Variants in TMEM108 observed in about 807,000 individuals in gnomAD.
TMEM108 encodes cancer/testis antigen 124.
A neutral mutation model predicts 35.1 loss-of-function variants in TMEM108; 12 were observed. The observed-to-expected ratio is 0.34, with a 90% CI of 0.22 to 0.55. TMEM108 has a LOEUF of 0.55. TMEM108 is among the 20% of genes least tolerant of loss of function. The pLI is 0.89. For synonymous variants in TMEM108, 287 were observed against 308.6 expected, an observed-to-expected ratio of 0.93 and a Z score of 0.73; for missense variants, 680 against 753.3, an observed-to-expected ratio of 0.90 and a Z score of 1.14.
At chr3:133,213,831 G>A (rs1945867640) in intron 2 of TMEM108, among the ~76,000 whole-genome samples, 1 of 152,078 alleles carries the variant, frequency 6.6e-6, no homozygotes, top group Non-Finnish European at 1.5e-5. Flanking sequence ...TATTCAAGTT[G>A]CATCTAGTTG....
intron 3 of TMEM108, among the ~76,000 whole-genome samples, chr3:133,374,199 G>T (rs191418254): frequency 6.6e-6 from 1 of 152,098 alleles, no homozygotes; most frequent in Non-Finnish European, 1.5e-5. Flanking sequence ...GCCTACCTAG[G>T]TTCAAAGGGA....
chr3:133,149,097 C>G (rs981430112), intron 2 of TMEM108, among the ~76,000 whole-genome samples: 3 of 152,156 alleles, frequency 2.0e-5, no homozygotes, highest in African/African-American at 7.2e-5. Flanking sequence ...GACTTCACTA[C>G]CTGATATTGC....
At chr3:133,073,510 C>CTCTCTATA in intron 2 of TMEM108, among the ~76,000 whole-genome samples, 19 of 43,898 alleles carry the variant, frequency 4.3e-4, no homozygotes, top group African/African-American at 1.2e-3. Flanking sequence ...CTCTCTCTCT[C>CTCTCTATA]TATATATATA....
chr3:133,227,714 G>T (rs1576396330), intron 2 of TMEM108, among the ~76,000 whole-genome samples: 2 of 151,422 alleles, frequency 1.3e-5, no homozygotes, highest in Admixed American at 1.3e-4. Context: ...GGCCAACATG[G>T]TGAAACCCTG....
chr3:133,262,948 C>G (rs1042586087), intron 3 of TMEM108, among the ~76,000 whole-genome samples: 1 of 152,164 alleles, frequency 6.6e-6, no homozygotes, highest in South Asian at 2.1e-4. Context: ...GAATACCTTG[C>G]TAATGGAGTG....
At chr3:133,182,499 G>C (rs1301996153) in intron 2 of TMEM108, among the ~76,000 whole-genome samples, 1 of 152,176 alleles carries the variant, frequency 6.6e-6, no homozygotes, top group African/African-American at 2.4e-5. Flanking sequence ...CTGATCATTA[G>C]GTGATAGTAT....
intron 2 of TMEM108, among the ~76,000 whole-genome samples, chr3:133,217,526 A>G (rs753644861): frequency 5.3e-5 from 8 of 151,948 alleles, no homozygotes; most frequent in Non-Finnish European, 1.2e-4. Context: ...AGATTTTCCC[A>G]TATGTCTTCT....
chr3:133,397,062 C>T lies in TMEM108; in HGVS notation c.*1076C>T, dbSNP rs1232936569. ...TCGCAGCACCAGCCGGTGGACTTGC[C>T]ATCCAGCTCTCAGCTTCCACTGCTC... is the stretch of plus-strand genomic sequence containing the variant. On this transcript the variant is annotated 3_prime_UTR_variant, in exon 6 of 6. Coordinates refer to ENST00000321871, the MANE Select transcript of TMEM108 (RefSeq NM_023943.4). The T allele has an allele frequency of 1.3e-5, 2 of 152,292 alleles. No homozygotes were observed. The highest frequency in any genetic ancestry group is 1.5e-5 in the Non-Finnish European group (1 of 68,018). The allele number at this position is 152,292 out of a possible 1,614,324, so 9.4% of individuals were successfully genotyped here.
Position 133,044,961 on chromosome 3 carries a change from C to CTT in TMEM108, c.-165-929_-165-928dup, listed in dbSNP as rs11444221. 2.0e-3 allele frequency among the ~76,000 whole-genome samples: 281 copies of CTT among 142,738 alleles called. 1 individual carries two copies. Among genetic ancestry groups the CTT allele is most frequent in the Non-Finnish European group, 2.7e-3 (180 of 65,948 alleles). 93.6% of individuals were successfully genotyped at this position (142,738 alleles called of 152,430 possible). A position where few individuals can be genotyped will look rare whatever the true frequency, so the allele number is the denominator to read the frequency against. ...CTCTTAAAAAAATTCTGAAGTGCTG[C>CTT]TTTTTTTTTTTTTCTTTTTTTTTTG... is the stretch of plus-strand genomic sequence containing the variant. On this transcript the variant is annotated intron_variant, in intron 1 of 5. Coordinates refer to ENST00000321871, the MANE Select transcript of TMEM108 (RefSeq NM_023943.4).
intron 2 of TMEM108, among the ~76,000 whole-genome samples, chr3:133,144,036 A>G (rs1944679237): frequency 6.6e-6 from 1 of 150,854 alleles, no homozygotes; most frequent in Admixed American, 6.6e-5. Flanking sequence ...GCTTTGTTAC[A>G]TAGGTATACA....
At chr3:133,298,575 ATGCTTGCATAG>A (rs1947176757) in intron 3 of TMEM108, among the ~76,000 whole-genome samples, 2 of 152,304 alleles carry the variant, frequency 1.3e-5, no homozygotes, top group African/African-American at 4.8e-5. Flanking sequence ...TGTTTATCAA[ATGCTTGCATAG>A]TGCTTCCTGT....
At chr3:133,220,801 C>A (rs1240152111) in intron 2 of TMEM108, among the ~76,000 whole-genome samples, 1 of 152,178 alleles carries the variant, frequency 6.6e-6, no homozygotes, top group East Asian at 1.9e-4. Context: ...AGATGTCAAT[C>A]AGAAGTAGTA....
intron 2 of TMEM108, among the ~76,000 whole-genome samples, chr3:133,065,687 A>G (rs57066590): frequency 1.3e-5 from 2 of 152,070 alleles, no homozygotes; most frequent in Non-Finnish European, 2.9e-5. Context: ...ATTTATGTCC[A>G]TATGGCATTC....
intron 2 of TMEM108, among the ~76,000 whole-genome samples, chr3:133,152,875 G>A (rs1425332242): frequency 6.6e-6 from 1 of 152,042 alleles, no homozygotes; most frequent in Non-Finnish European, 1.5e-5. Flanking sequence ...AAAAACAACT[G>A]ACAATATCAT....
chr3:133,145,151 A>C (rs990996025), intron 2 of TMEM108, among the ~76,000 whole-genome samples: 1 of 152,146 alleles, frequency 6.6e-6, no homozygotes, highest in African/African-American at 2.4e-5. Context: ...TAAGATGTAA[A>C]GAAGGGGTCC....
intron 2 of TMEM108, among the ~76,000 whole-genome samples, chr3:133,215,211 A>G (rs1225905069): frequency 1.3e-5 from 2 of 152,162 alleles, no homozygotes; most frequent in African/African-American, 4.8e-5. Flanking sequence ...GGCCAACAGC[A>G]CTGTAACTTA....
intron 2 of TMEM108, among the ~76,000 whole-genome samples, chr3:133,187,977 A>C (rs1945446249): frequency 6.6e-6 from 1 of 151,920 alleles, no homozygotes; most frequent in South Asian, 2.1e-4. Context: ...GAGCCACTAA[A>C]GGCTGTCTTT....
chr3:133,094,462 G>A (rs928189816), intron 2 of TMEM108, among the ~76,000 whole-genome samples: 1 of 152,148 alleles, frequency 6.6e-6, no homozygotes, highest in South Asian at 2.1e-4. Context: ...TTTCAGAAGA[G>A]TAAGACCTGA....
At chr3:133,050,564 A>AT (rs1559816348) in intron 2 of TMEM108, among the ~76,000 whole-genome samples, 1 of 152,086 alleles carries the variant, frequency 6.6e-6, no homozygotes, top group Non-Finnish European at 1.5e-5. Context: ...GGTGTTGTAC[A>AT]TTCTTTGGTT....
Sources: allele counts gnomAD v4.1 joint callset (sites outside exome capture counted in the v4.1 genomes callset), GRCh38; gene constraint gnomAD v4.1.1; transcripts MANE v1.5; gene names NCBI Gene and HGNC (gene_info 2026-07-23, HGNC 2026-07-21).